DERL1: variants seen among roughly 807,000 people sequenced by gnomAD.
DERL1 encodes the protein derlin-1.
In DERL1, 24 loss-of-function variants were observed where a neutral mutation model predicts 41.6. The observed-to-expected ratio is 0.58, with a 90% CI of 0.42 to 0.81. The LOEUF (loss-of-function observed/expected upper bound fraction) is 0.81. Ranked by LOEUF, DERL1 falls within the 30% of genes least tolerant of loss-of-function variation. The pLI, the probability that DERL1 is intolerant of heterozygous loss-of-function variation, is 0.00. For missense variants in DERL1, 260 were observed against 314.3 expected, an observed-to-expected ratio of 0.83 and a Z score of 1.31; for synonymous variants, 124 against 112.5, an observed-to-expected ratio of 1.10 and a Z score of -0.65.
rs1267977503 is a variant in DERL1, at chr8:123,013,502, GT to G, written c.*1944del. 1 of 151,984 alleles carries G rather than the reference GT, an allele frequency of 6.6e-6. No homozygotes were observed. Among genetic ancestry groups the G allele is most frequent in the Non-Finnish European group, 1.5e-5 (1 of 67,980 alleles). The allele number at this position is 151,984 out of a possible 1,614,324, so 9.4% of individuals were successfully genotyped here. On this transcript the variant is annotated 3_prime_UTR_variant, in exon 8 of 8. Transcript: ENST00000259512. ...TGTCAAGTCAAAACTCAAATAGCTT[GT>G]TTTGGTAAAATTATTCCAGAAACAT...
intron 1 of DERL1, among the ~76,000 whole-genome samples, chr8:123,033,375 G>T (rs1812857146): frequency 6.6e-6 from 1 of 152,112 alleles, no homozygotes; most frequent in Non-Finnish European, 1.5e-5. Flanking sequence ...TTTTAGAGTT[G>T]TCTATAGAGC....
At chr8:123,024,950 T>C (rs749646215) in intron 3 of DERL1, 36 bp downstream of exon 3, 15 of 1,604,184 alleles carry the variant, frequency 9.4e-6, no homozygotes, top group East Asian at 2.2e-5. Context: ...AAAAAACTGG[T>C]TTATTTCTGG....
In DERL1 at chr8:123,027,317, AAAT is replaced by A. The variant is rs1484130600; in HGVS notation, c.266-2270_266-2268del. ...TCAAAAAAAAAAAAAAAAAAAAAAA[AAAT>A]TTAGTGGTCTCCTAAGGGTGTGGGG... On this transcript the variant is annotated intron_variant, in intron 2 of 7. Coordinates refer to ENST00000259512, the MANE Select transcript of DERL1 (RefSeq NM_024295.6). Among the ~76,000 whole-genome samples, 1,078 of 143,832 alleles carry A rather than the reference AAAT, an allele frequency of 7.5e-3. 156 individuals are homozygous for A. Among genetic ancestry groups the A allele is most frequent in the African/African-American group, 0.025 (957 of 37,902 alleles). The allele number at this position is 143,832 out of a possible 152,430, so 94.4% of individuals were successfully genotyped here.
At chr8:123,029,784 G>C (rs1412636778) in intron 2 of DERL1, among the ~76,000 whole-genome samples, 1 of 152,136 alleles carries the variant, frequency 6.6e-6, no homozygotes, top group African/African-American at 2.4e-5. Flanking sequence ...GGTTGGCTGG[G>C]CACGTTGACT....
chr8:123,029,214 C>A (rs1812769426), intron 2 of DERL1, among the ~76,000 whole-genome samples: 1 of 152,050 alleles, frequency 6.6e-6, no homozygotes, highest in African/African-American at 2.4e-5. Context: ...AAGATCAAAC[C>A]CCTAATATGG....
Position 123,022,738 on chromosome 8 carries a change from C to A in DERL1, c.399G>T (p.Trp133Cys). 1 of 1,614,046 alleles carries A rather than the reference C, an allele frequency of 6.2e-7. No individual in the cohort carries two copies. The highest frequency in any genetic ancestry group is 8.5e-7 in the Non-Finnish European group (1 of 1,179,988). The change falls in exon 5 of 8, where the codon TGG becomes TGT. Residue 133 changes from tryptophan to cysteine, a missense_variant. By Grantham distance (215) the Trp-to-Cys change is radical. Transcript: ENST00000259512. ...IPLIMSVLYV[W>C]AQLNRDMIVS... ...CAATCATGTCTCTGTTCAGCTGGGC[C>A]CAGACATAAAGTACTGACATGATCA...
rs1467936209 is a variant in DERL1, at chr8:123,015,586, C to A, written c.618-1G>T. On this transcript the variant is annotated splice_acceptor_variant, in intron 7 of 7. Transcript: ENST00000259512. LOFTEE classifies it high-confidence loss of function. ...TCTCCTACTGGGCAGCCAGCGGTAC[C>A]TGGTGCAGAAAGACGGGGACACAAA... 1 of 1,607,412 alleles carries A rather than the reference C, an allele frequency of 6.2e-7. No individual in the cohort carries two copies. The highest frequency in any genetic ancestry group is 1.1e-5 in the South Asian group (1 of 89,180).
At chr8:123,019,142 C>T (rs1184779063) in intron 7 of DERL1, 53 bp downstream of exon 7, 5 of 1,214,334 alleles carry the variant, frequency 4.1e-6, no homozygotes, top group Non-Finnish European at 6.1e-6. Flanking sequence ...CATTAGGATG[C>T]ACTAAGAACA....
At position 123,021,514 on chromosome 8, in the gene DERL1, A is replaced by G; in HGVS notation, c.454-15T>C. 1 of 1,612,502 alleles carries G rather than the reference A, an allele frequency of 6.2e-7. No individual in the cohort carries two copies. Among genetic ancestry groups the G allele is most frequent in the Non-Finnish European group, 8.5e-7 (1 of 1,178,554 alleles). On this transcript the variant is annotated splice_polypyrimidine_tract_variant and intron_variant, in intron 5 of 7. Transcript: ENST00000259512. Reference sequence around the variant, plus strand: ...AAATAGCAGGCCTAGGATGGAATGAATATATGCAAATGTGAGTAGCCACAC... The same window carrying G: ...AAATAGCAGGCCTAGGATGGAATGAGTATATGCAAATGTGAGTAGCCACAC...
chr8:123,026,672 G>C (rs1191643132), intron 2 of DERL1, among the ~76,000 whole-genome samples: 2 of 151,368 alleles, frequency 1.3e-5, no homozygotes, highest in African/African-American at 4.9e-5. Flanking sequence ...CACCACTCTA[G>C]ATCACTGTTT....
chr8:123,030,590 C>G lies in DERL1; in HGVS notation c.265+15G>C. The G allele has an allele frequency of 6.6e-7, 1 of 1,515,656 alleles. No homozygotes were observed. The highest frequency in any genetic ancestry group is 1.2e-5 in the South Asian group (1 of 84,020). The allele number at this position is 1,515,656 out of a possible 1,614,324, so 93.9% of individuals were successfully genotyped here. On this transcript the variant is annotated intron_variant, in intron 2 of 7. Transcript: ENST00000259512. ...GAGAAAGAAACAATGCTTAAAACAACTATGGGTAACATACCTGTTTCAAGT... is the reference window on the plus strand; with the variant it reads ...GAGAAAGAAACAATGCTTAAAACAAGTATGGGTAACATACCTGTTTCAAGT...
At chr8:123,015,657 C>T (rs1031616817) in intron 7 of DERL1, 72 bp from the exon 8 acceptor site, 68 of 1,501,866 alleles carry the variant, frequency 4.5e-5, no homozygotes, top group African/African-American at 8.3e-5. Context: ...ATCTGACCTC[C>T]GAGAACACCT....
At chr8:123,023,045 C>T (rs1366003224) in intron 4 of DERL1, among the ~76,000 whole-genome samples, 2 of 152,066 alleles carry the variant, frequency 1.3e-5, no homozygotes, top group African/African-American at 2.4e-5. Context: ...AAGTAAGCAA[C>T]AAAGCATTAC....
At chr8:123,039,988 C>T (rs868446510) in intron 1 of DERL1, among the ~76,000 whole-genome samples, 2 of 152,204 alleles carry the variant, frequency 1.3e-5, no homozygotes, top group African/African-American at 4.8e-5. Context: ...GAGGCTGAGG[C>T]GGGTGGATCA....
chr8:123,036,707 T>C (rs997654089), intron 1 of DERL1, among the ~76,000 whole-genome samples: 2 of 152,184 alleles, frequency 1.3e-5, no homozygotes, highest in Admixed American at 6.5e-5. Context: ...GATCTTAAAT[T>C]ACGTACCAGA....
intron 6 of DERL1, among the ~76,000 whole-genome samples, chr8:123,020,187 A>G (rs953142474): frequency 3.9e-5 from 6 of 152,230 alleles, no homozygotes; most frequent in African/African-American, 1.4e-4. Context: ...AGTATAAGAA[A>G]TGGGAGTTCT....
intron 2 of DERL1, among the ~76,000 whole-genome samples, chr8:123,028,221 G>A (rs1325600261): frequency 6.6e-6 from 1 of 152,034 alleles, no homozygotes; most frequent in Admixed American, 6.6e-5. Flanking sequence ...CAGGGGTGGA[G>A]GACAGCAATA....
intron 2 of DERL1, among the ~76,000 whole-genome samples, chr8:123,028,903 C>CA (rs1456722301): frequency 2.0e-5 from 3 of 151,898 alleles, no homozygotes; most frequent in Non-Finnish European, 2.9e-5. Flanking sequence ...CCCATCTCTA[C>CA]AAAAAATACA....
chr8:123,027,176 C>T (rs1482378342), intron 2 of DERL1, among the ~76,000 whole-genome samples: 1 of 151,788 alleles, frequency 6.6e-6, no homozygotes, highest in African/African-American at 2.4e-5. Flanking sequence ...TGCCTGTAGT[C>T]CCAGCTACTC....
Sources: gnomAD v4.1 joint callset for allele counts (sites outside exome capture counted in the v4.1 genomes callset) on GRCh38, gnomAD v4.1.1 for gene constraint, MANE v1.5 for transcripts, NCBI Gene and HGNC (gene_info 2026-07-23, HGNC 2026-07-21) for gene names.